The following EPHA5 variants were observed in gnomAD, a reference collection of about 807,000 sequenced individuals.
The protein encoded by EPHA5 is EPH receptor A5, also known as ephrin type-A receptor 5.
A neutral mutation model predicts 105.0 loss-of-function variants in EPHA5; 60 were observed. The ratio of observed to expected loss-of-function variants is 0.57; its 90% CI spans 0.46 to 0.71. The LOEUF is 0.71. Among genes scored for constraint, EPHA5 ranks in the 30% least tolerant of loss-of-function variants. The pLI is 0.00. For missense variants in EPHA5, 1,218 were observed against 1,274.7 expected (o/e 0.96, Z 0.68); for synonymous variants, 513 against 449.1 (o/e 1.14, Z -1.80).
intron 14 of EPHA5, among the ~76,000 whole-genome samples, chr4:65,346,352 A>AT (rs1276235984): frequency 6.6e-6 from 1 of 152,012 alleles, no homozygotes; most frequent in African/African-American, 2.4e-5. Context: ...TAAATTTATA[A>AT]TTTTGTTAGT....
intron 8 of EPHA5, among the ~76,000 whole-genome samples, chr4:65,369,438 A>G (rs1280395049): frequency 6.6e-6 from 1 of 152,198 alleles, no homozygotes; most frequent in Non-Finnish European, 1.5e-5. Context: ...GCCAAATGAC[A>G]GACTGATAAA....
chr4:65,364,551 T>C (rs980107480), intron 11 of EPHA5, among the ~76,000 whole-genome samples: 1 of 151,574 alleles, frequency 6.6e-6, no homozygotes, highest in African/African-American at 2.4e-5. Flanking sequence ...ATTGTTGCTT[T>C]CCCTTGAACT....
rs1734253955 is a variant in EPHA5, at chr4:65,517,812, C to T, written c.911-22269G>A. 2.0e-5 allele frequency among the ~76,000 whole-genome samples: 3 copies of T among 151,776 alleles called. No individual in the cohort carries two copies. In the South Asian group the frequency reaches 6.2e-4, roughly 32 times the overall value. On this transcript the variant is annotated intron_variant, in intron 3 of 16. Transcript: ENST00000613740. ...TTAGCAATGATACAAAAATGTAGCC[C>T]TTTCCAAAAAAGTTTTTCAAAGTTT...
chr4:65,567,526 T>C (rs937513691), intron 3 of EPHA5, among the ~76,000 whole-genome samples: 1 of 151,486 alleles, frequency 6.6e-6, no homozygotes, highest in Non-Finnish European at 1.5e-5. Flanking sequence ...GAAAAGTAAA[T>C]GTTCAAGTAC....
intron 3 of EPHA5, among the ~76,000 whole-genome samples, chr4:65,587,677 G>C (rs1312115176): frequency 3.3e-5 from 5 of 152,154 alleles, no homozygotes; most frequent in Admixed American, 2.6e-4. Flanking sequence ...GGCCTCTACT[G>C]TCTAGGGTAA....
At chr4:65,381,248 A>G (rs898894125) in intron 8 of EPHA5, among the ~76,000 whole-genome samples, 5 of 151,750 alleles carry the variant, frequency 3.3e-5, no homozygotes, top group African/African-American at 1.2e-4. Context: ...ACCAAAGTAT[A>G]TATGTGGAGT....
At chr4:65,616,104 A>G (rs1276968581) in intron 2 of EPHA5, among the ~76,000 whole-genome samples, 1 of 151,980 alleles carries the variant, frequency 6.6e-6, no homozygotes, top group Non-Finnish European at 1.5e-5. Context: ...CGACTCAACA[A>G]TAAAAAGAAA....
At chr4:65,468,102 G>A (rs1388900525) in intron 5 of EPHA5, among the ~76,000 whole-genome samples, 1 of 152,138 alleles carries the variant, frequency 6.6e-6, no homozygotes, top group Non-Finnish European at 1.5e-5. Flanking sequence ...TGTTGTTTAA[G>A]CCACAAAGTA....
intron 1 of EPHA5, among the ~76,000 whole-genome samples, chr4:65,655,956 T>C (rs1435398510): frequency 1.3e-5 from 2 of 151,938 alleles, no homozygotes; most frequent in East Asian, 3.9e-4. Flanking sequence ...CACAGTAGTT[T>C]TTAAACTGAG....
At chr4:65,331,694 T>C in intron 16 of EPHA5, 3 of 1,151,150 alleles carry the variant, frequency 2.6e-6, no homozygotes, top group Non-Finnish European at 3.2e-6. Flanking sequence ...AAACATCTTT[T>C]CCACAACACA....
intron 16 of EPHA5, among the ~76,000 whole-genome samples, chr4:65,326,261 G>A (rs1185382103): frequency 7.3e-5 from 11 of 150,916 alleles, no homozygotes; most frequent in Admixed American, 3.3e-4. Flanking sequence ...ATAAAACACA[G>A]CCAAATGGGT....
At chr4:65,497,468 G>T (rs1225320825) in intron 3 of EPHA5, among the ~76,000 whole-genome samples, 3 of 152,058 alleles carry the variant, frequency 2.0e-5, no homozygotes, top group Non-Finnish European at 4.4e-5. Context: ...CATTCTTGTA[G>T]TTAAATGATT....
chr4:65,511,889 T>C (rs1733660856), intron 3 of EPHA5, among the ~76,000 whole-genome samples: 1 of 152,156 alleles, frequency 6.6e-6, no homozygotes, highest in Admixed American at 6.5e-5. Context: ...ATATGTACAC[T>C]TGGCTGAAAT....
At chr4:65,400,496 CAT>C (rs1038729921) in intron 8 of EPHA5, among the ~76,000 whole-genome samples, 1 of 152,062 alleles carries the variant, frequency 6.6e-6, no homozygotes, top group Non-Finnish European at 1.5e-5. Context: ...AGAATTCTAA[CAT>C]GTTATACTTC....
intron 3 of EPHA5, among the ~76,000 whole-genome samples, chr4:65,580,075 A>C (rs999129591): frequency 7.2e-5 from 11 of 151,944 alleles, no homozygotes; most frequent in African/African-American, 2.7e-4. Context: ...ATTTTCAAGA[A>C]CGAGACTTAG....
rs574568945 is a variant in EPHA5, at chr4:65,460,176, G to T, written c.1402+30201C>A. On this transcript the variant is annotated intron_variant, in intron 5 of 16. Coordinates refer to ENST00000613740, the MANE Select transcript of EPHA5 (RefSeq NM_001281766.3). ...ATATATGTACATGTATTCTGCTGAT[G>T]GAAATATATATAGGAAATTTAAATA... Among the ~76,000 whole-genome samples the T allele has an allele frequency of 5.9e-5, 9 of 151,288 alleles. No individual in the cohort carries two copies. The South Asian group carries it at 1.7e-3, about 28-fold the overall frequency.
intron 5 of EPHA5, among the ~76,000 whole-genome samples, chr4:65,467,523 C>T (rs1047927982): frequency 2.6e-5 from 4 of 152,162 alleles, no homozygotes; most frequent in Non-Finnish European, 5.9e-5. Flanking sequence ...AGAGACAAGC[C>T]TGAGCCAGCC....
rs750694433 is a variant in EPHA5 at position 65,332,084 on chromosome 4, G to T, written c.2834C>A (p.Ala945Asp). The T allele has an allele frequency of 1.9e-6, 3 of 1,609,400 alleles. No individual in the cohort carries two copies. The highest frequency in any genetic ancestry group is 1.7e-6 in the Non-Finnish European group (2 of 1,177,022). ...LAEHSPLGSG[A>D]YRSVGEWLEA... ...TAGCCATTCACCTACTGATCTGTAG[G>T]CCCCAGATCCTAGTGGGCTATGTTC... The change falls in exon 16 of 17, where the codon GCC becomes GAC. Residue 945 changes from alanine (A) to aspartate (D), a missense_variant. This residue lies in a region of EPHA5 where 971 missense variants were observed against 1,013.5 expected (regional missense o/e 0.96). Transcript: ENST00000613740.
chr4:65,374,388 T>C (rs1269869574), intron 8 of EPHA5, among the ~76,000 whole-genome samples: 2 of 151,926 alleles, frequency 1.3e-5, no homozygotes, highest in African/African-American at 2.4e-5. Flanking sequence ...TAATTTGAGA[T>C]AAAAGGATTT....
Sources: allele counts gnomAD v4.1 joint callset (sites outside exome capture counted in the v4.1 genomes callset), GRCh38; gene constraint gnomAD v4.1.1; regional missense constraint gnomAD v4.1.1; transcripts MANE v1.5; gene names NCBI Gene and HGNC (gene_info 2026-07-23, HGNC 2026-07-21).